The following EIF4E1B variants were observed in gnomAD, a reference collection of about 807,000 sequenced individuals.
EIF4E1B encodes eukaryotic translation initiation factor 4E type 1B.
A neutral mutation model predicts 31.3 loss-of-function variants in EIF4E1B; 22 were observed. The observed-to-expected ratio is 0.70, with a 90% CI of 0.50 to 1.00. The LOEUF is 1.00. Ranked by LOEUF, EIF4E1B falls within the 50% of genes least tolerant of loss-of-function variation. The probability of loss-of-function intolerance (pLI) is 0.00; values close to 1 mark genes in which losing one functional copy is unlikely to be tolerated. For synonymous variants in EIF4E1B, 126 were observed against 120.2 expected (o/e 1.05, Z -0.31); for missense variants, 290 against 311.6 (o/e 0.93, Z 0.52).
At chr5:176,635,649 T>C (rs115765034) in intron 1 of EIF4E1B, among the ~76,000 whole-genome samples, 1,574 of 152,328 alleles carry the variant, frequency 0.01, 32 homozygotes, top group African/African-American at 0.034. Context: ...TTCACAGTCA[T>C]CAGGAACCCA....
intron 1 of EIF4E1B, among the ~76,000 whole-genome samples, chr5:176,639,585 G>A (rs59354980): frequency 0.011 from 1,598 of 152,174 alleles, 34 homozygotes; most frequent in African/African-American, 0.035. Flanking sequence ...GACCATGCCC[G>A]GTACTGGGGG....
At chr5:176,636,972 A>G (rs1760503883) in intron 1 of EIF4E1B, among the ~76,000 whole-genome samples, 2 of 152,210 alleles carry the variant, frequency 1.3e-5, no homozygotes, top group Non-Finnish European at 2.9e-5. Context: ...GGGGCAGACA[A>G]TTCACAACTA....
chr5:176,645,550 G>A lies in EIF4E1B; in HGVS notation c.614+34G>A. The A allele has an allele frequency of 6.7e-7, 1 of 1,500,722 alleles. No homozygotes were observed. Among genetic ancestry groups the A allele is most frequent in the Non-Finnish European group, 8.9e-7 (1 of 1,126,480 alleles). 93.0% of individuals were successfully genotyped at this position (1,500,722 alleles called of 1,614,324 possible). ...GGTCTCTGGCACAGGGTGGGGACTT[G>A]GGTCTCTGCTAGAGGGAAGGTGGGT... On this transcript the variant is annotated intron_variant, in intron 8 of 8. Coordinates refer to ENST00000318682, the MANE Select transcript of EIF4E1B (RefSeq NM_001099408.2). The surrounding 1 kb of genome is among the most constrained non-coding windows in gnomAD (Gnocchi z 5.4).
chr5:176,645,852 C>T lies in EIF4E1B; in HGVS notation c.615-14C>T. 1.3e-6 allele frequency: 2 copies of T among 1,561,912 alleles called. No homozygotes were observed. The highest frequency in any genetic ancestry group is 1.7e-6 in the Non-Finnish European group (2 of 1,152,634). On this transcript the variant is annotated splice_polypyrimidine_tract_variant and intron_variant, in intron 8 of 8. Coordinates refer to ENST00000318682, the MANE Select transcript of EIF4E1B (RefSeq NM_001099408.2). This position sits in a 1 kb window ranked among gnomAD's most constrained non-coding sequence, Gnocchi z 5.4. ...ACCTGTGTCTCTTTTCCTCTGTGTC[C>T]CCCGCACCTGCAGGCGTGTATACAA... is the stretch of plus-strand genomic sequence containing the variant.
rs1222163873 is a variant in EIF4E1B, at chr5:176,638,180, C to T, written c.-201-3863C>T. 3.3e-5 allele frequency among the ~76,000 whole-genome samples: 5 copies of T among 152,098 alleles called. No homozygotes were observed. The highest frequency in any genetic ancestry group is 6.5e-5 in the Admixed American group (1 of 15,270). ...ATAGTAGATACCCAGATGGAGCTGT[C>T]GGGCGGGCAGTTGGATATGCTCTTC... On this transcript the variant is annotated intron_variant, in intron 1 of 8. Coordinates refer to ENST00000318682, the MANE Select transcript of EIF4E1B (RefSeq NM_001099408.2). The surrounding 1 kb of genome is among the most constrained non-coding windows in gnomAD (Gnocchi z 4.3).
At chr5:176,631,823 C>A (rs1167424669) in intron 1 of EIF4E1B, among the ~76,000 whole-genome samples, 1 of 152,150 alleles carries the variant, frequency 6.6e-6, no homozygotes, top group Non-Finnish European at 1.5e-5. Context: ...TGATCCCGTG[C>A]GACTCTAGCC....
chr5:176,635,559 CAGA>C (rs1318817835), intron 1 of EIF4E1B, among the ~76,000 whole-genome samples: 1 of 152,206 alleles, frequency 6.6e-6, no homozygotes, highest in African/African-American at 2.4e-5. Flanking sequence ...GCTGCTAGCA[CAGA>C]AGCTTAGGCA....
chr5:176,641,692 TACTC>T (rs1561909921), intron 1 of EIF4E1B: 1 of 152,390 alleles, frequency 6.6e-6, no homozygotes, highest in Non-Finnish European at 1.5e-5. Context: ...GTTGAGCAAA[TACTC>T]AGCCTCCAGA....
chr5:176,644,535 G>T, intron 6 of EIF4E1B, 96 bp downstream of exon 6: 2 of 1,183,350 alleles, frequency 1.7e-6, no homozygotes, highest in Non-Finnish European at 1.2e-6. Flanking sequence ...GTGGGGGTGG[G>T]GAGCTACGGG....
rs368270974 is a variant in EIF4E1B at position 176,640,201 on chromosome 5, A to G, written c.-201-1842A>G. Among the ~76,000 whole-genome samples the G allele has an allele frequency of 1.6e-4, 25 of 152,332 alleles. No homozygotes were observed. In the East Asian group the frequency reaches 2.9e-3, roughly 18 times the overall value. The stretch of plus-strand genomic sequence containing the variant: ...CACGCCGGGAAGAAGCCAAGCAGCC[A>G]CATGGAGAGGCCACGCAGTGCCATC... On this transcript the variant is annotated intron_variant, in intron 1 of 8. Coordinates refer to ENST00000318682, the MANE Select transcript of EIF4E1B (RefSeq NM_001099408.2).
At position 176,645,689 on chromosome 5, in the gene EIF4E1B, G is replaced by C; in HGVS notation, c.614+173G>C. ...GTTCAGATTTCTAACTTTCTCTTAC[G>C]GCAGTGCAGCTCTCCTTTTGCATTA... On this transcript the variant is annotated intron_variant, in intron 8 of 8. Transcript: ENST00000318682. The surrounding 1 kb of genome is among the most constrained non-coding windows in gnomAD (Gnocchi z 5.4). 1 of 1,154,574 alleles carries C rather than the reference G, an allele frequency of 8.7e-7. No individual in the cohort carries two copies. Among genetic ancestry groups the C allele is most frequent in the Non-Finnish European group, 1.2e-6 (1 of 838,506 alleles). 71.5% of individuals were successfully genotyped at this position (1,154,574 alleles called of 1,614,324 possible).
chr5:176,646,056 C>A lies in EIF4E1B; in HGVS notation c.*76C>A. The A allele has an allele frequency of 7.7e-7, 1 of 1,304,160 alleles. No homozygotes were observed. The highest frequency in any genetic ancestry group is 1.1e-6 in the Non-Finnish European group (1 of 929,840). 80.8% of individuals were successfully genotyped at this position (1,304,160 alleles called of 1,614,324 possible). A position where few individuals can be genotyped will look rare whatever the true frequency, so the allele number is the denominator to read the frequency against. ...CATTACTTTGGGGGATGGGGCGGGA[C>A]TGGGGATCAGACAGCCTAGTTCTTA... On this transcript the variant is annotated 3_prime_UTR_variant, in exon 9 of 9. Transcript: ENST00000318682.
rs778721946 is a variant in EIF4E1B, at chr5:176,642,759, C to A, written c.-29C>A. ...TTGGTCACAGCTGCTTCCCCAGCCCCAGGCCTGCACGAAGAAGGCACTCAC... is the reference window on the plus strand; with the variant it reads ...TTGGTCACAGCTGCTTCCCCAGCCCAAGGCCTGCACGAAGAAGGCACTCAC... On this transcript the variant is annotated 5_prime_UTR_variant, in exon 3 of 9. Coordinates refer to ENST00000318682, the MANE Select transcript of EIF4E1B (RefSeq NM_001099408.2). The A allele has an allele frequency of 4.5e-6, 7 of 1,559,668 alleles. No individual in the cohort carries two copies. The highest frequency in any genetic ancestry group is 6.1e-6 in the Non-Finnish European group (7 of 1,151,938).
chr5:176,632,731 G>A (rs1228013866), intron 1 of EIF4E1B, among the ~76,000 whole-genome samples: 4 of 152,150 alleles, frequency 2.6e-5, no homozygotes, highest in African/African-American at 9.7e-5. Flanking sequence ...AGCATGGAGG[G>A]TACCTGCAGT....
intron 3 of EIF4E1B, 67 bp downstream of exon 3, chr5:176,642,869 C>A: frequency 1.4e-6 from 2 of 1,435,226 alleles, no homozygotes; most frequent in Admixed American, 4.2e-5. Context: ...CCCCCCCGCC[C>A]CAGGTGGGCG....
At position 176,633,948 on chromosome 5, in the gene EIF4E1B, A is replaced by G. The variant is rs1025700129; in HGVS notation, c.-202+2884A>G. ...TGGGGCAGACTCCAGAGGAGGGACA[A>G]GGACGCCTGAACTACAGAAGCCCGG... On this transcript the variant is annotated intron_variant, in intron 1 of 8. Coordinates refer to ENST00000318682, the MANE Select transcript of EIF4E1B (RefSeq NM_001099408.2). 2.0e-5 allele frequency among the ~76,000 whole-genome samples: 3 copies of G among 152,298 alleles called. No homozygotes were observed. The South Asian group carries it at 6.2e-4, about 32-fold the overall frequency.
At chr5:176,632,143 TCAA>T (rs1411000529) in intron 1 of EIF4E1B, among the ~76,000 whole-genome samples, 1 of 152,244 alleles carries the variant, frequency 6.6e-6, no homozygotes, top group Non-Finnish European at 1.5e-5. Context: ...TTTCTATGTG[TCAA>T]ATATATATTA....
rs11134988 is a variant in EIF4E1B at position 176,642,102 on chromosome 5, A to G, written c.-142A>G. On this transcript the variant is annotated 5_prime_UTR_variant, in exon 2 of 9. Coordinates refer to ENST00000318682, the MANE Select transcript of EIF4E1B (RefSeq NM_001099408.2). The stretch of plus-strand genomic sequence containing the variant: ...CCGCGGTCAGGGTAGAATCAGGACT[A>G]GAACCCAGGCTGTGTGGCTGCAGCC... 67,602 of 152,650 alleles carry G rather than the reference A, an allele frequency of 0.44. 16,905 individuals carry two copies. Among genetic ancestry groups the G allele is most frequent in the Non-Finnish European group, 0.56 (37,906 of 68,028 alleles). 9.5% of individuals were successfully genotyped at this position (152,650 alleles called of 1,614,324 possible).
chr5:176,643,036 C>T (rs753258108), intron 3 of EIF4E1B, 46 bp from the exon 4 acceptor site: 1 of 1,562,958 alleles, frequency 6.4e-7, no homozygotes, highest in Non-Finnish European at 8.7e-7. Context: ...CAGGGACAGC[C>T]AGGGCCAGAG....
Sources: allele counts gnomAD v4.1 joint callset (sites outside exome capture counted in the v4.1 genomes callset), GRCh38; gene constraint gnomAD v4.1.1; non-coding constraint Gnocchi (gnomAD v3.1); transcripts MANE v1.5; gene names NCBI Gene and HGNC (gene_info 2026-07-23, HGNC 2026-07-21).